Variants in NAT1 observed in about 807,000 individuals in gnomAD.
The protein encoded by NAT1 is N-acetyltransferase 1.
For synonymous variants in NAT1, 144 were observed against 122.6 expected (o/e 1.17, Z -1.16); for missense variants, 400 against 339.2 (o/e 1.18, Z -1.41).
intron 2 of NAT1, among the ~76,000 whole-genome samples, chr8:18,220,169 G>C (rs1380869985): frequency 6.6e-6 from 1 of 152,166 alleles, no homozygotes; most frequent in Non-Finnish European, 1.5e-5. Flanking sequence ...TAGAACTTTA[G>C]AGCTTGACCA....
upstream of NAT1, among the ~76,000 whole-genome samples, chr8:18,208,867 C>A (rs1803852108): frequency 6.6e-6 from 1 of 152,234 alleles, no homozygotes; most frequent in Non-Finnish European, 1.5e-5. Flanking sequence ...CAGTCCACTT[C>A]ACAACCACCT....
At chr8:18,202,713 G>A (rs766855092) in intron 2 of NAT1, among the ~76,000 whole-genome samples, 2 of 152,194 alleles carry the variant, frequency 1.3e-5, no homozygotes, top group Non-Finnish European at 2.9e-5. Context: ...CAGGAATGAA[G>A]CGGCAGACCC....
chr8:18,189,009 A>AAAAAAAG (rs1329509282), intron 2 of NAT1, among the ~76,000 whole-genome samples: 1 of 149,146 alleles, frequency 6.7e-6, no homozygotes, highest in Non-Finnish European at 1.5e-5. Flanking sequence ...AAAAAAAAAA[A>AAAAAAAG]AAAGAAAGAA....
chr8:18,212,481 T>G (rs2117346446), intron 1 of NAT1: 2 of 152,390 alleles, frequency 1.3e-5, no homozygotes, highest in South Asian at 4.2e-4. Context: ...CTGAAGGAAG[T>G]GCTGGGAGAG....
intron 2 of NAT1, among the ~76,000 whole-genome samples, chr8:18,174,566 T>A (rs905874758): frequency 6.6e-6 from 1 of 152,078 alleles, no homozygotes; most frequent in African/African-American, 2.4e-5. Flanking sequence ...TTCTCCATCA[T>A]AATGGACCTT....
At chr8:18,171,257 C>T (rs529916943) in intron 2 of NAT1, among the ~76,000 whole-genome samples, 15 of 152,238 alleles carry the variant, frequency 9.9e-5, no homozygotes, top group Middle Eastern at 3.4e-3. Context: ...TTAATTTGGA[C>T]AGAATTGTTT....
chr8:18,187,196 A>AT (rs1389919750), intron 2 of NAT1, among the ~76,000 whole-genome samples: 1 of 152,236 alleles, frequency 6.6e-6, no homozygotes, highest in Non-Finnish European at 1.5e-5. Flanking sequence ...ACATTAAAAA[A>AT]TAACACATGC....
chr8:18,222,941 T>TAG lies in NAT1; in HGVS notation c.*21_*22insAG. 1 of 1,515,122 alleles carries TAG rather than the reference T, an allele frequency of 6.6e-7. No individual in the cohort carries two copies. 93.9% of individuals were successfully genotyped at this position (1,515,122 alleles called of 1,614,324 possible). A position where few individuals can be genotyped will look rare whatever the true frequency, so the allele number is the denominator to read the frequency against. ...TTTAGAATAAGGAGTAAAACAATCT[T>TAG]GTCTATTTGTCATCCAGCTCACCAG... On this transcript the variant is annotated 3_prime_UTR_variant, in exon 3 of 3. Coordinates refer to ENST00000307719, the MANE Select transcript of NAT1 (RefSeq NM_000662.8).
chr8:18,198,453 G>T (rs1803325170), intron 2 of NAT1, among the ~76,000 whole-genome samples: 1 of 152,138 alleles, frequency 6.6e-6, no homozygotes, highest in Non-Finnish European at 1.5e-5. Flanking sequence ...TAGTAAATTA[G>T]GATTCCTAAA....
At chr8:18,180,734 C>CAT (rs996637841) in intron 2 of NAT1, among the ~76,000 whole-genome samples, 4 of 152,116 alleles carry the variant, frequency 2.6e-5, no homozygotes, top group South Asian at 4.2e-4. Context: ...CATTATACAA[C>CAT]ATATATATAT....
intron 2 of NAT1, among the ~76,000 whole-genome samples, chr8:18,180,260 T>C (rs1455150317): frequency 6.6e-5 from 10 of 152,004 alleles, no homozygotes; most frequent in Non-Finnish European, 1.5e-4. Context: ...AGTGCTAGAG[T>C]TGGATTTCAC....
At chr8:18,199,517 C>T (rs73571958) in intron 2 of NAT1, among the ~76,000 whole-genome samples, 1,650 of 152,072 alleles carry the variant, frequency 0.011, 35 homozygotes, top group African/African-American at 0.038. Flanking sequence ...ATGTGCCATC[C>T]GTCCCCTTTA....
chr8:18,221,132 C>G (rs1805241594), intron 2 of NAT1, among the ~76,000 whole-genome samples: 1 of 152,190 alleles, frequency 6.6e-6, no homozygotes, highest in South Asian at 2.1e-4. Context: ...CACTCTCCTT[C>G]TTACTCATGT....
chr8:18,175,385 A>G (rs1489785018), intron 2 of NAT1, among the ~76,000 whole-genome samples: 1 of 151,974 alleles, frequency 6.6e-6, no homozygotes, highest in Non-Finnish European at 1.5e-5. Context: ...CCTCTCCCCT[A>G]GCTACTGGTA....
intron 2 of NAT1, among the ~76,000 whole-genome samples, chr8:18,181,990 T>C (rs1322650390): frequency 2.0e-5 from 3 of 152,150 alleles, no homozygotes; most frequent in Non-Finnish European, 2.9e-5. Context: ...TAAATTCCAA[T>C]ACAAATTCCC....
chr8:18,178,473 C>A (rs1296133168), intron 2 of NAT1, among the ~76,000 whole-genome samples: 2 of 152,058 alleles, frequency 1.3e-5, no homozygotes, highest in Non-Finnish European at 2.9e-5. Context: ...ACTCACAGAA[C>A]CTGGATTGAG....
intron 1 of NAT1, among the ~76,000 whole-genome samples, chr8:18,218,736 C>T (rs1003130476): frequency 2.0e-5 from 3 of 151,932 alleles, no homozygotes; most frequent in African/African-American, 7.3e-5. Flanking sequence ...TATTCAGGAA[C>T]CAAAAAGGGG....
At chr8:18,194,078 G>C (rs1360028464) in intron 2 of NAT1, among the ~76,000 whole-genome samples, 1 of 152,200 alleles carries the variant, frequency 6.6e-6, no homozygotes, top group African/African-American at 2.4e-5. Flanking sequence ...CCTGGAGCCA[G>C]ATCCTTACTG....
intron 1 of NAT1, chr8:18,212,710 TAGA>T (rs1023842304): frequency 9.8e-5 from 15 of 152,286 alleles, no homozygotes; most frequent in African/African-American, 3.6e-4. Flanking sequence ...GGTCCGAAAG[TAGA>T]AGAACACAGA....
Sources: gnomAD v4.1 joint callset for allele counts (sites outside exome capture counted in the v4.1 genomes callset) on GRCh38, gnomAD v4.1.1 for gene constraint, MANE v1.5 for transcripts, NCBI Gene and HGNC (gene_info 2026-07-23, HGNC 2026-07-21) for gene names.